Variants in CRADD observed in about 807,000 individuals in gnomAD.
CRADD encodes the protein CARD and death domain containing adaptor protein.
CRADD carries 9 observed loss-of-function variants against 15.5 expected under a neutral mutation model. That is an observed-to-expected ratio of 0.58 (90% CI 0.35 to 1.01). The LOEUF (loss-of-function observed/expected upper bound fraction) is 1.01, where lower values mean the gene tolerates loss of function less well. Ranked by LOEUF, CRADD falls within the 50% of genes least tolerant of loss-of-function variation. The pLI, the probability that CRADD is intolerant of heterozygous loss-of-function variation, is 0.02. For synonymous variants in CRADD, 118 were observed against 107.6 expected (o/e 1.10, Z -0.60); for missense variants, 227 against 250.3 (o/e 0.91, Z 0.63).
At chr12:93,857,380 A>G (rs978689211) in intron 2 of CRADD, among the ~76,000 whole-genome samples, 5 of 152,170 alleles carry the variant, frequency 3.3e-5, no homozygotes, top group South Asian at 2.1e-4. Context: ...GGCCAATATC[A>G]AGGTCTTCAG....
chr12:93,719,154 T>G (rs553104906), intron 2 of CRADD, among the ~76,000 whole-genome samples: 26 of 152,180 alleles, frequency 1.7e-4, no homozygotes, highest in Non-Finnish European at 3.5e-4. Context: ...CCTAGTTTGA[T>G]GAAAGTTTTT....
intron 2 of CRADD, among the ~76,000 whole-genome samples, chr12:93,737,456 T>C (rs1226050846): frequency 6.6e-6 from 1 of 152,218 alleles, no homozygotes; most frequent in East Asian, 1.9e-4. Context: ...AAGAAAGGAT[T>C]CAAACTTAGT....
At chr12:93,820,335 A>G (rs1213775696) in intron 2 of CRADD, among the ~76,000 whole-genome samples, 2 of 151,934 alleles carry the variant, frequency 1.3e-5, no homozygotes, top group Admixed American at 6.6e-5. Flanking sequence ...AGGTCAGGAG[A>G]TAGAGACCAT....
At chr12:93,763,731 G>T (rs1013906816) in intron 2 of CRADD, among the ~76,000 whole-genome samples, 2 of 152,102 alleles carry the variant, frequency 1.3e-5, no homozygotes, top group East Asian at 3.9e-4. Flanking sequence ...TTATTAGTGT[G>T]CATATGTGTA....
At chr12:93,762,440 G>A (rs751732884) in intron 2 of CRADD, among the ~76,000 whole-genome samples, 16 of 152,144 alleles carry the variant, frequency 1.1e-4, no homozygotes, top group Non-Finnish European at 2.2e-4. Context: ...AGAGATGAGG[G>A]CAGTAGACAT....
intron 2 of CRADD, among the ~76,000 whole-genome samples, chr12:93,841,810 C>T (rs1033587330): frequency 2.0e-5 from 3 of 152,138 alleles, no homozygotes; most frequent in East Asian, 1.9e-4. Context: ...TGTGCTGGAA[C>T]GGGACAGTCT....
intron 2 of CRADD, among the ~76,000 whole-genome samples, chr12:93,814,467 C>G (rs977094304): frequency 6.6e-6 from 1 of 152,154 alleles, no homozygotes; most frequent in African/African-American, 2.4e-5. Flanking sequence ...TTAACTTGTT[C>G]GAGGGATCTA....
intron 2 of CRADD, among the ~76,000 whole-genome samples, chr12:93,747,897 C>T (rs1367222007): frequency 6.6e-6 from 1 of 152,118 alleles, no homozygotes; most frequent in Non-Finnish European, 1.5e-5. Flanking sequence ...GAAATAACAC[C>T]GCTTTTAAAG....
At chr12:93,731,587 C>T (rs1956465678) in intron 2 of CRADD, among the ~76,000 whole-genome samples, 1 of 152,172 alleles carries the variant, frequency 6.6e-6, no homozygotes, top group Non-Finnish European at 1.5e-5. Context: ...TCCATAGATA[C>T]AAGGAAGTCC....
chr12:93,861,175 T>C (rs528238549), intron 2 of CRADD, among the ~76,000 whole-genome samples: 4 of 152,130 alleles, frequency 2.6e-5, no homozygotes, highest in Non-Finnish European at 5.9e-5. Flanking sequence ...GGCTGCAGGG[T>C]GGTACAGACA....
At chr12:93,777,047 T>A (rs551796442) in intron 2 of CRADD, among the ~76,000 whole-genome samples, 1 of 152,350 alleles carries the variant, frequency 6.6e-6, no homozygotes, top group African/African-American at 2.4e-5. Flanking sequence ...TTTTATGTCA[T>A]TAAAACTATT....
At chr12:93,882,442 G>GAAAAGAA (rs1555231444) in intron 2 of CRADD, among the ~76,000 whole-genome samples, 1 of 148,954 alleles carries the variant, frequency 6.7e-6, no homozygotes, top group Non-Finnish European at 1.5e-5. Context: ...AAAAAAAACG[G>GAAAAGAA]AAAAGAAAAA....
intron 2 of CRADD, among the ~76,000 whole-genome samples, chr12:93,734,574 A>G (rs1232306256): frequency 6.6e-6 from 1 of 152,186 alleles, no homozygotes; most frequent in African/African-American, 2.4e-5. Context: ...AGTGCACTCA[A>G]CTGAGCTGCT....
At chr12:93,725,518 A>T (rs536337188) in intron 2 of CRADD, among the ~76,000 whole-genome samples, 1 of 151,862 alleles carries the variant, frequency 6.6e-6, no homozygotes, top group Non-Finnish European at 1.5e-5. Context: ...TCTTACCCCA[A>T]TTCCTTTGTG....
chr12:93,869,032 A>T (rs1958395601), intron 2 of CRADD, among the ~76,000 whole-genome samples: 1 of 152,234 alleles, frequency 6.6e-6, no homozygotes. Context: ...AAGGCTGAGC[A>T]GGGATTTCAG....
intron 2 of CRADD, among the ~76,000 whole-genome samples, chr12:93,702,732 C>A (rs948377489): frequency 2.0e-5 from 3 of 152,024 alleles, no homozygotes; most frequent in African/African-American, 7.3e-5. Context: ...ATCTTTACCT[C>A]CATTCTCTCT....
At chr12:93,849,831 C>A in intron 2 of CRADD, 139 bp from the exon 3 acceptor site, 1 of 665,090 alleles carries the variant, frequency 1.5e-6, no homozygotes. Flanking sequence ...TACAGAGCAG[C>A]CCCCAGGAAG....
At chr12:93,684,555 C>T (rs567934792) in intron 2 of CRADD, among the ~76,000 whole-genome samples, 48 of 152,230 alleles carry the variant, frequency 3.2e-4, no homozygotes, top group Non-Finnish European at 6.3e-4. Context: ...ACAGTAGGTG[C>T]TGGAGATATA....
chr12:93,861,111 C>A (rs1297678284), intron 2 of CRADD, among the ~76,000 whole-genome samples: 1 of 152,024 alleles, frequency 6.6e-6, no homozygotes, highest in African/African-American at 2.4e-5. Flanking sequence ...CTCTAGAGTG[C>A]CGTTGTAAAG....
Sources: gnomAD v4.1 joint callset for allele counts (sites outside exome capture counted in the v4.1 genomes callset) on GRCh38, gnomAD v4.1.1 for gene constraint, MANE v1.5 for transcripts, NCBI Gene and HGNC (gene_info 2026-07-23, HGNC 2026-07-21) for gene names.